The following DCX variants were observed in gnomAD, a reference collection of about 807,000 sequenced individuals.
DCX encodes the protein neuronal migration protein doublecortin.
In DCX, 4 loss-of-function variants were observed where a neutral mutation model predicts 20.9. That is an observed-to-expected ratio of 0.19 (90% confidence interval 0.09 to 0.44). The LOEUF (loss-of-function observed/expected upper bound fraction) is 0.44. DCX is among the 20% of genes least tolerant of loss of function. The pLI, the probability that DCX is intolerant of heterozygous loss-of-function variation, is 0.99. For synonymous variants in DCX, 103 were observed against 111.4 expected, an observed-to-expected ratio of 0.92 and a Z score of 0.47; for missense variants, 133 against 296.9, an observed-to-expected ratio of 0.45 and a Z score of 4.06.
chrX:111,380,665 T>G (rs2147232743), intron 3 of DCX, among the ~76,000 whole-genome samples: 1 of 110,769 alleles, frequency 9.0e-6, no homozygotes, highest in African/African-American at 3.3e-5. Flanking sequence ...CCAAATGAAT[T>G]TTAGGATTAG....
At chrX:111,309,889 A>G (rs1444920555) in intron 6 of DCX, among the ~76,000 whole-genome samples, 2 of 112,154 alleles carry the variant, frequency 1.8e-5, no homozygotes, top group Non-Finnish European at 3.8e-5. Flanking sequence ...TGCAGAGTAT[A>G]TAATAGTATT....
intron 3 of DCX, among the ~76,000 whole-genome samples, chrX:111,334,410 G>A (rs939760692): frequency 2.7e-5 from 3 of 111,255 alleles, no homozygotes; most frequent in Non-Finnish European, 3.8e-5. Flanking sequence ...ACCTTTCTTC[G>A]GCCCACTTGT....
chrX:111,380,357 G>T (rs1022461655), intron 3 of DCX, among the ~76,000 whole-genome samples: 15 of 111,791 alleles, frequency 1.3e-4, no homozygotes, highest in African/African-American at 4.5e-4. Context: ...ATGCTGTGAG[G>T]TGGGGATTTA....
At chrX:111,360,858 T>C (rs1247045271) in intron 3 of DCX, among the ~76,000 whole-genome samples, 1 of 112,390 alleles carries the variant, frequency 8.9e-6, no homozygotes, top group Non-Finnish European at 1.9e-5. Flanking sequence ...TGATTCAATG[T>C]ATTTAAGTAG....
intron 4 of DCX, 126 bp downstream of exon 4, chrX:111,332,925 G>T (rs2147634867): frequency 1.8e-6 from 1 of 547,946 alleles, no homozygotes; most frequent in East Asian, 3.6e-5. Context: ...ACAGGAGAAA[G>T]ACCAACATTA....
At chrX:111,403,558 C>T (rs943505872) in intron 2 of DCX, among the ~76,000 whole-genome samples, 5 of 111,630 alleles carry the variant, frequency 4.5e-5, no homozygotes, top group African/African-American at 1.6e-4. Flanking sequence ...TCCACTCTCT[C>T]GTTGGGCTGA....
In DCX at chrX:111,296,445, C is replaced by T. The variant is rs1047264906; in HGVS notation, c.*5242G>A. On this transcript the variant is annotated 3_prime_UTR_variant, in exon 7 of 7. Coordinates refer to ENST00000636035, the MANE Select transcript of DCX (RefSeq NM_001195553.2). ...TCCAGAAGATGTTGAAGCCAATAAA[C>T]CAAGGGATAAAAAATTAGTCTTGTC... is the stretch of plus-strand genomic sequence containing the variant. 1.5e-4 allele frequency: 17 copies of T among 111,265 alleles called. No homozygotes were observed. The highest frequency in any genetic ancestry group is 1.4e-3 in the Admixed American group (15 of 10,501). 9.2% of individuals were successfully genotyped at this position (111,265 alleles called of 1,213,427 possible). A position where few individuals can be genotyped will look rare whatever the true frequency, so the allele number is the denominator to read the frequency against.
chrX:111,299,438 T>C lies in DCX; in HGVS notation c.*2249A>G. ...AGCATAAGGAAATCTGGATTCTTCC[T>C]CTGGTCCTGCTCTTTACCAGCCTCC... is the stretch of plus-strand genomic sequence containing the variant. On this transcript the variant is annotated 3_prime_UTR_variant, in exon 7 of 7. Coordinates refer to ENST00000636035, the MANE Select transcript of DCX (RefSeq NM_001195553.2). 1 of 111,503 alleles carries C rather than the reference T, an allele frequency of 9.0e-6. No homozygotes were observed. The allele number at this position is 111,503 out of a possible 1,213,427, so 9.2% of individuals were successfully genotyped here.
At chrX:111,390,608 T>C (rs761089152) in intron 3 of DCX, among the ~76,000 whole-genome samples, 1 of 111,768 alleles carries the variant, frequency 8.9e-6, no homozygotes, top group South Asian at 3.8e-4. Context: ...CCACACAGCC[T>C]CTATCTGGAC....
chrX:111,411,244 C>T (rs1928693002), intron 1 of DCX: 1 of 327,085 alleles, frequency 3.1e-6, no homozygotes, highest in Admixed American at 4.9e-5. Context: ...TTTTTTCCCC[C>T]CCAGGTGCTC....
chrX:111,371,984 T>C (rs1925132462), intron 3 of DCX, among the ~76,000 whole-genome samples: 1 of 110,366 alleles, frequency 9.1e-6, no homozygotes, highest in Admixed American at 9.7e-5. Flanking sequence ...CTAGAATTTG[T>C]CTAATCTATT....
At chrX:111,390,369 T>G (rs1926836814) in intron 3 of DCX, among the ~76,000 whole-genome samples, 1 of 111,912 alleles carries the variant, frequency 8.9e-6, no homozygotes, top group African/African-American at 3.2e-5. Flanking sequence ...TCAAGCCTTC[T>G]TTAACTCTGA....
chrX:111,355,293 G>A (rs1923643183), intron 3 of DCX, among the ~76,000 whole-genome samples: 1 of 110,780 alleles, frequency 9.0e-6, no homozygotes, highest in African/African-American at 3.3e-5. Context: ...TCCACCCAGA[G>A]TCTAGCACAA....
rs1029170008 is a variant in DCX at position 111,299,217 on chromosome X, C to T, written c.*2470G>A. On this transcript the variant is annotated 3_prime_UTR_variant, in exon 7 of 7. Transcript: ENST00000636035. Reference sequence around the variant, plus strand: ...TTAAATTTTGGACTATGCCAAGCCTCATCCCCTGCTCCCTCCAAAATGGCC... The same window carrying T: ...TTAAATTTTGGACTATGCCAAGCCTTATCCCCTGCTCCCTCCAAAATGGCC... 3.6e-5 allele frequency: 4 copies of T among 111,397 alleles called. No individual in the cohort carries two copies. The highest frequency in any genetic ancestry group is 9.6e-5 in the Admixed American group (1 of 10,396). The allele number at this position is 111,397 out of a possible 1,213,427, so 9.2% of individuals were successfully genotyped here.
intron 2 of DCX, among the ~76,000 whole-genome samples, chrX:111,409,629 C>A (rs376764796): frequency 8.9e-6 from 1 of 111,859 alleles, no homozygotes; most frequent in Non-Finnish European, 1.9e-5. Context: ...CAAATAATTT[C>A]TCAGCAGTTC....
At chrX:111,367,845 C>A (rs937704359) in intron 3 of DCX, among the ~76,000 whole-genome samples, 2 of 111,569 alleles carry the variant, frequency 1.8e-5, no homozygotes, top group Admixed American at 9.5e-5. Context: ...TTTTGTTAGC[C>A]CCCAACCTCT....
At chrX:111,351,909 GA>G (rs1923343372) in intron 3 of DCX, among the ~76,000 whole-genome samples, 1 of 111,485 alleles carries the variant, frequency 9.0e-6, no homozygotes, top group Non-Finnish European at 1.9e-5. Context: ...ATTTTTCGTA[GA>G]AATGGGGTTT....
In DCX at chrX:111,327,886, G is replaced by C. The variant is rs189955415; in HGVS notation, c.946+3018C>G. On this transcript the variant is annotated intron_variant, in intron 5 of 6. Transcript: ENST00000636035. ...TTGGACTAGGCTTTAAACAAACTCCGATGAAATGGGCTTGGTTATGTTACA... is the reference window on the plus strand; with the variant it reads ...TTGGACTAGGCTTTAAACAAACTCCCATGAAATGGGCTTGGTTATGTTACA... Among the ~76,000 whole-genome samples, 411 of 112,323 alleles carry C rather than the reference G, an allele frequency of 3.7e-3. 3 individuals carry two copies. Among genetic ancestry groups the C allele is most frequent in the African/African-American group, 0.013 (392 of 30,966 alleles).
Position 111,367,372 on chromosome X carries a change from C to T in DCX, c.705+33618G>A, listed in dbSNP as rs189184921. On this transcript the variant is annotated intron_variant, in intron 3 of 6. Transcript: ENST00000636035. ...ATCTAGAGAGATGATAAAATCTCTT[C>T]TCAGCATTGCAGGATATCATTATGC... Among the ~76,000 whole-genome samples the T allele has an allele frequency of 9.9e-4, 111 of 111,932 alleles. 1 individual carries two copies. The highest frequency in any genetic ancestry group is 3.0e-3 in the African/African-American group (93 of 30,828).
Sources: allele counts gnomAD v4.1 joint callset (sites outside exome capture counted in the v4.1 genomes callset), GRCh38; gene constraint gnomAD v4.1.1; transcripts MANE v1.5; gene names NCBI Gene and HGNC (gene_info 2026-07-23, HGNC 2026-07-21).